The following IFNGR2 variants were observed in gnomAD, a reference collection of about 807,000 sequenced individuals.
IFNGR2 encodes the protein IFN-gamma receptor 2.
A neutral mutation model predicts 41.1 loss-of-function variants in IFNGR2; 15 were observed. The observed-to-expected ratio is 0.37, with a 90% confidence interval of 0.24 to 0.56. IFNGR2 has a LOEUF of 0.56. Ranked by LOEUF, IFNGR2 falls within the 20% of genes least tolerant of loss-of-function variation. IFNGR2 has a pLI of 0.81. For synonymous variants in IFNGR2, 161 were observed against 171.6 expected (o/e 0.94, Z 0.48); for missense variants, 362 against 415.7 (o/e 0.87, Z 1.12).
At position 33,432,650 on chromosome 21, in the gene IFNGR2, A is replaced by G. The variant is rs529890416; in HGVS notation, c.722-64A>G. The G allele has an allele frequency of 8.3e-6, 13 of 1,560,268 alleles. No individual in the cohort carries two copies. In the Admixed American group the frequency reaches 2.0e-4, roughly 24 times the overall value. On this transcript the variant is annotated intron_variant, in intron 5 of 6. Coordinates refer to ENST00000290219, the MANE Select transcript of IFNGR2 (RefSeq NM_005534.4). ...GCTCTTTAAGCAGCATGGATGGAACATTAACTGATGTTTGTGTTGTGCGTA... is the reference window on the plus strand; with the variant it reads ...GCTCTTTAAGCAGCATGGATGGAACGTTAACTGATGTTTGTGTTGTGCGTA...
At position 33,437,140 on chromosome 21, in the gene IFNGR2, C is replaced by A. The variant is rs890420817; in HGVS notation, c.*178C>A. 1.8e-6 allele frequency: 1 copy of A among 565,608 alleles called. No homozygotes were observed. The highest frequency in any genetic ancestry group is 3.1e-6 in the Non-Finnish European group (1 of 321,718). The allele number at this position is 565,608 out of a possible 1,614,324, so 35.0% of individuals were successfully genotyped here. On this transcript the variant is annotated 3_prime_UTR_variant, in exon 7 of 7. Coordinates refer to ENST00000290219, the MANE Select transcript of IFNGR2 (RefSeq NM_005534.4). ...GGGGTGACAAGCTTTTTTTTTTTTTCTTAAAGAATTTTCAAAATCAAATTC... is the reference window on the plus strand; with the variant it reads ...GGGGTGACAAGCTTTTTTTTTTTTTATTAAAGAATTTTCAAAATCAAATTC...
At chr21:33,429,919 A>G (rs529350917) in intron 4 of IFNGR2, among the ~76,000 whole-genome samples, 2 of 152,286 alleles carry the variant, frequency 1.3e-5, no homozygotes, top group East Asian at 3.9e-4. Context: ...CAGGCAGATC[A>G]CTTGAGGTCA....
chr21:33,428,208 C>CCT, intron 4 of IFNGR2, among the ~76,000 whole-genome samples: 1 of 95,216 alleles, frequency 1.1e-5, no homozygotes, highest in Non-Finnish European at 2.0e-5. Context: ...ACTTCTCCTT[C>CCT]ATTTTTTTTT....
At chr21:33,431,297 C>T (rs981661915) in intron 4 of IFNGR2, among the ~76,000 whole-genome samples, 12 of 152,022 alleles carry the variant, frequency 7.9e-5, no homozygotes, top group East Asian at 1.9e-4. Flanking sequence ...TGGCCAGGCG[C>T]GGTGGCTCAC....
At chr21:33,420,735 TAGA>T (rs1441683609) in intron 2 of IFNGR2, among the ~76,000 whole-genome samples, 1 of 152,070 alleles carries the variant, frequency 6.6e-6, no homozygotes, top group Non-Finnish European at 1.5e-5. Flanking sequence ...ATTCAACAAT[TAGA>T]AGACAAATAA....
intron 3 of IFNGR2, among the ~76,000 whole-genome samples, chr21:33,422,519 G>A (rs1345306682): frequency 1.3e-5 from 2 of 152,106 alleles, no homozygotes; most frequent in African/African-American, 2.4e-5. Flanking sequence ...AGGAGGAGGA[G>A]GTCTGGTTAA....
rs886799069 is a variant in IFNGR2, at chr21:33,437,477, A to C, written c.*515A>C. On this transcript the variant is annotated 3_prime_UTR_variant, in exon 7 of 7. Transcript: ENST00000290219. ...CCTAGTAATTTAAGATTTTGTTTTT[A>C]AACTGGAAATAAAAGATTGTATAGT... 5 of 155,176 alleles carry C rather than the reference A, an allele frequency of 3.2e-5. No homozygotes were observed. The highest frequency in any genetic ancestry group is 1.3e-4 in the Admixed American group (2 of 15,712). 9.6% of individuals were successfully genotyped at this position (155,176 alleles called of 1,614,324 possible). A position where few individuals can be genotyped will look rare whatever the true frequency, so the allele number is the denominator to read the frequency against.
intron 6 of IFNGR2, among the ~76,000 whole-genome samples, chr21:33,436,526 C>T (rs1390380412): frequency 1.3e-5 from 2 of 151,964 alleles, no homozygotes; most frequent in East Asian, 3.9e-4. Flanking sequence ...AGTTTGAGAC[C>T]AGCGTGGCCA....
In IFNGR2 at chr21:33,414,666, G is replaced by A. The variant is rs183740957; in HGVS notation, c.74-222G>A. ...TGCAGGTGGAAAGGCTGCCCCAGGC[G>A]CCTCTTTTCTTTTTGTGCTGCCTGT... is the stretch of plus-strand genomic sequence containing the variant. On this transcript the variant is annotated intron_variant, in intron 1 of 6. Transcript: ENST00000290219. Among the ~76,000 whole-genome samples the A allele has an allele frequency of 7.9e-5, 12 of 152,296 alleles. No homozygotes were observed. In the East Asian group the frequency reaches 2.1e-3, roughly 27 times the overall value.
chr21:33,436,061 A>C (rs2083945292), intron 6 of IFNGR2, among the ~76,000 whole-genome samples: 1 of 152,082 alleles, frequency 6.6e-6, no homozygotes, highest in East Asian at 1.9e-4. Flanking sequence ...TGACTCAACA[A>C]CAATAAAAAA....
At chr21:33,436,349 T>C (rs2083950996) in intron 6 of IFNGR2, among the ~76,000 whole-genome samples, 2 of 151,904 alleles carry the variant, frequency 1.3e-5, no homozygotes, top group South Asian at 2.1e-4. Flanking sequence ...AATTGTTTCA[T>C]TGTTGAATAA....
At position 33,432,310 on chromosome 21, in the gene IFNGR2, T is replaced by G. The variant is rs141648307; in HGVS notation, c.695T>G (p.Ile232Arg). Residue 232 changes from isoleucine (I) to arginine (R), a missense_variant, in exon 5 of 7, where the codon ATA (isoleucine) becomes AGA (arginine). Transcript: ENST00000290219. Reference protein sequence around the residue: ...NIFRVGHLSNISCYETMADAS... With the variant: ...NIFRVGHLSNRSCYETMADAS... The stretch of plus-strand genomic sequence containing the variant: ...TTTAGAGTCGGGCATTTAAGCAACA[T>G]ATCTTGCTACGAAACAATGGCAGAT... 6.2e-7 allele frequency: 1 copy of G among 1,614,156 alleles called. No homozygotes were observed. The highest frequency in any genetic ancestry group is 1.7e-5 in the Admixed American group (1 of 60,010).
At chr21:33,429,942 AG>A (rs2083871737) in intron 4 of IFNGR2, among the ~76,000 whole-genome samples, 1 of 152,150 alleles carries the variant, frequency 6.6e-6, no homozygotes, top group Non-Finnish European at 1.5e-5. Flanking sequence ...GGTTCGAGAC[AG>A]GCCTGGCTAG....
intron 4 of IFNGR2, among the ~76,000 whole-genome samples, chr21:33,428,426 C>T (rs1326714422): frequency 6.6e-6 from 1 of 151,800 alleles, no homozygotes; most frequent in African/African-American, 2.4e-5. Context: ...TGGGGTTTTG[C>T]CATGTTGCCC....
In IFNGR2 at chr21:33,403,615, A is replaced by G; in HGVS notation, c.72A>G (p.Pro24=). Residue 24 remains proline (P), a splice_region_variant and synonymous_variant, in exon 1 of 7, where the codon CCA becomes CCG. Coordinates refer to ENST00000290219, the MANE Select transcript of IFNGR2 (RefSeq NM_005534.4). Reference sequence around the variant, plus strand: ...TCGCCGCCGCCGCCGCGGCCCCGCCAGGTGAGCCGGGCCTGGGCCTCCGCG... The same window carrying G: ...TCGCCGCCGCCGCCGCGGCCCCGCCGGGTGAGCCGGGCCTGGGCCTCCGCG... ...GVFAAAAAAP[P]DPLSQLPAPQ... is the part of the protein sequence containing the mutation. 7.6e-7 allele frequency: 1 copy of G among 1,316,284 alleles called. No individual in the cohort carries two copies. The highest frequency in any genetic ancestry group is 9.7e-7 in the Non-Finnish European group (1 of 1,030,518). 81.5% of individuals were successfully genotyped at this position (1,316,284 alleles called of 1,614,324 possible).
intron 2 of IFNGR2, among the ~76,000 whole-genome samples, chr21:33,416,960 AC>A (rs1386802460): frequency 7.1e-6 from 1 of 139,966 alleles, no homozygotes; most frequent in Non-Finnish European, 1.5e-5. Flanking sequence ...AGTCTCCGTC[AC>A]CCAGGCTGAA....
intron 1 of IFNGR2, among the ~76,000 whole-genome samples, chr21:33,414,268 G>A (rs2834210): frequency 0.45 from 68,377 of 152,006 alleles, 16,537 homozygotes; most frequent in Non-Finnish European, 0.55. Context: ...CTTGAGAGAC[G>A]ACAACTCTGA....
rs368333636 is a variant in IFNGR2 at position 33,426,995 on chromosome 21, A to G, written c.524A>G (p.Tyr175Cys). 21 of 1,613,044 alleles carry G rather than the reference A, an allele frequency of 1.3e-5. No individual in the cohort carries two copies. In the African/African-American group the frequency reaches 2.4e-4, roughly 18 times the overall value. The part of the protein sequence containing the change: ...IADTSTAFFC[Y>C]YVHYWEKGGI... Reference sequence around the variant, plus strand: ...GATACCTCCACGGCCTTTTTTTGTTATTATGTCCATTACTGGGAAAAAGGA... The same window carrying G: ...GATACCTCCACGGCCTTTTTTTGTTGTTATGTCCATTACTGGGAAAAAGGA... Residue 175 changes from tyrosine (Y) to cysteine (C), a missense_variant, in exon 4 of 7, where the codon TAT becomes TGT. Transcript: ENST00000290219.
intron 2 of IFNGR2, among the ~76,000 whole-genome samples, chr21:33,418,709 T>C (rs1386970342): frequency 6.6e-6 from 1 of 152,222 alleles, no homozygotes; most frequent in Non-Finnish European, 1.5e-5. Context: ...TAGCAGACAG[T>C]GGCTGCAGGC....
Sources: gnomAD v4.1 joint callset for allele counts (sites outside exome capture counted in the v4.1 genomes callset) on GRCh38, gnomAD v4.1.1 for gene constraint, MANE v1.5 for transcripts, NCBI Gene and HGNC (gene_info 2026-07-23, HGNC 2026-07-21) for gene names.